THSD7B: variants seen among roughly 807,000 people sequenced by gnomAD.
THSD7B encodes the protein thrombospondin type 1 domain containing 7B, also known as thrombospondin type-1 domain-containing protein 7B.
In THSD7B, 138 loss-of-function variants were observed where a neutral mutation model predicts 213.6. The observed-to-expected ratio is 0.65, with a 90% CI of 0.56 to 0.74. The LOEUF (loss-of-function observed/expected upper bound fraction) is 0.74, where lower values mean the gene tolerates loss of function less well. THSD7B is among the 30% of genes least tolerant of loss of function. The pLI is 0.00. For synonymous variants in THSD7B, 742 were observed against 687.0 expected, an observed-to-expected ratio of 1.08 and a Z score of -1.25; for missense variants, 1,931 against 1,991.5, an observed-to-expected ratio of 0.97 and a Z score of 0.58.
At chr2:137,383,269 A>G (rs1327967757) in intron 12 of THSD7B, among the ~76,000 whole-genome samples, 1 of 152,184 alleles carries the variant, frequency 6.6e-6, no homozygotes, top group Non-Finnish European at 1.5e-5. Flanking sequence ...TAATGTATAA[A>G]GCAACATTGG....
Position 136,945,109 on chromosome 2 carries a change from G to A in THSD7B, c.139+62792G>A, listed in dbSNP as rs573784634. Among the ~76,000 whole-genome samples the A allele has an allele frequency of 2.0e-3, 299 of 152,180 alleles. 1 individual carries two copies. The highest frequency in any genetic ancestry group is 3.6e-3 in the Non-Finnish European group (246 of 68,002). On this transcript the variant is annotated intron_variant, in intron 2 of 27. Coordinates refer to ENST00000409968, the MANE Select transcript of THSD7B (RefSeq NM_001316349.2). ...GTGGTGACAAAATCTCTCAGCATTT[G>A]CTTGTCTGTAAAGGATTTTATTTCT... is the stretch of plus-strand genomic sequence containing the variant.
chr2:136,771,728 T>C (rs1224489441), intron 1 of THSD7B, among the ~76,000 whole-genome samples: 2 of 152,156 alleles, frequency 1.3e-5, no homozygotes, highest in South Asian at 2.1e-4. Context: ...GAATCTATTT[T>C]CTTATTAGCA....
chr2:137,370,891 G>A (rs909613152), intron 12 of THSD7B, among the ~76,000 whole-genome samples: 3 of 151,698 alleles, frequency 2.0e-5, no homozygotes, highest in African/African-American at 7.3e-5. Context: ...TATTAGTATA[G>A]CTATATACAC....
At chr2:136,803,118 T>C (rs1314612816) in intron 1 of THSD7B, among the ~76,000 whole-genome samples, 1 of 152,046 alleles carries the variant, frequency 6.6e-6, no homozygotes, top group Non-Finnish European at 1.5e-5. Context: ...AGATATATTA[T>C]GGATCAAGTC....
At chr2:136,876,680 A>ATGTG (rs1683530319) in intron 1 of THSD7B, among the ~76,000 whole-genome samples, 1 of 152,306 alleles carries the variant, frequency 6.6e-6, no homozygotes, top group South Asian at 2.1e-4. Flanking sequence ...AATCTAGTGT[A>ATGTG]TGTGTGTGTA....
intron 7 of THSD7B, among the ~76,000 whole-genome samples, chr2:137,195,833 G>T (rs930253541): frequency 6.6e-6 from 1 of 152,070 alleles, no homozygotes; most frequent in African/African-American, 2.4e-5. Context: ...AAATTTTGAC[G>T]AGGAACAGGA....
At chr2:137,453,174 T>TA (rs1180542085) in intron 15 of THSD7B, among the ~76,000 whole-genome samples, 2 of 151,848 alleles carry the variant, frequency 1.3e-5, no homozygotes, top group African/African-American at 4.8e-5. Context: ...TGTTATATAT[T>TA]AAAAAAAAGT....
At chr2:137,229,301 G>A (rs1222493217) in intron 7 of THSD7B, among the ~76,000 whole-genome samples, 1 of 152,030 alleles carries the variant, frequency 6.6e-6, no homozygotes, top group Non-Finnish European at 1.5e-5. Flanking sequence ...TGTAGGTTGG[G>A]CCTTTTGTTT....
intron 12 of THSD7B, among the ~76,000 whole-genome samples, chr2:137,315,374 A>T (rs1005091998): frequency 6.6e-6 from 1 of 152,114 alleles, no homozygotes; most frequent in Admixed American, 6.5e-5. Flanking sequence ...GCTCATGCAC[A>T]GTGCGCGCAC....
intron 7 of THSD7B, among the ~76,000 whole-genome samples, chr2:137,225,143 T>C (rs1444180850): frequency 6.6e-6 from 1 of 152,252 alleles, no homozygotes; most frequent in African/African-American, 2.4e-5. Context: ...ATTTAGCTCA[T>C]CATACATTGT....
At chr2:136,859,435 C>T (rs543250169) in intron 1 of THSD7B, among the ~76,000 whole-genome samples, 1 of 152,276 alleles carries the variant, frequency 6.6e-6, no homozygotes, top group African/African-American at 2.4e-5. Flanking sequence ...AGAAGATAGA[C>T]TCAAAGTTGA....
chr2:136,841,135 A>G (rs1331329154), intron 1 of THSD7B, among the ~76,000 whole-genome samples: 1 of 152,170 alleles, frequency 6.6e-6, no homozygotes, highest in Non-Finnish European at 1.5e-5. Flanking sequence ...AGTAACTGGA[A>G]CTCCAAGGGG....
chr2:136,906,034 A>G (rs1168230549), intron 2 of THSD7B, among the ~76,000 whole-genome samples: 1 of 152,258 alleles, frequency 6.6e-6, no homozygotes, highest in Non-Finnish European at 1.5e-5. Context: ...CAGTCTCAAC[A>G]TTCCAATGCA....
chr2:137,116,858 G>A (rs977244111), intron 5 of THSD7B, among the ~76,000 whole-genome samples: 13 of 152,100 alleles, frequency 8.5e-5, no homozygotes, highest in African/African-American at 2.7e-4. Context: ...TATCAAGCCC[G>A]AGTACAATCT....
chr2:137,665,723 TG>T (rs1246119080), intron 26 of THSD7B, among the ~76,000 whole-genome samples: 3 of 152,018 alleles, frequency 2.0e-5, no homozygotes, highest in South Asian at 4.1e-4. Flanking sequence ...TTATAGCAAA[TG>T]AATGAAAACA....
intron 2 of THSD7B, among the ~76,000 whole-genome samples, chr2:136,941,376 T>C (rs768343926): frequency 6.6e-6 from 1 of 152,202 alleles, no homozygotes; most frequent in Non-Finnish European, 1.5e-5. Context: ...TATCCAGTAA[T>C]GGAATGGCTG....
intron 4 of THSD7B, among the ~76,000 whole-genome samples, chr2:137,105,630 T>A (rs1688232546): frequency 6.6e-6 from 1 of 152,188 alleles, no homozygotes; most frequent in African/African-American, 2.4e-5. Flanking sequence ...TGTTTGCAGA[T>A]GACATGATTG....
intron 4 of THSD7B, 106 bp downstream of exon 4, chr2:137,095,227 A>C: frequency 1.4e-6 from 2 of 1,436,524 alleles, no homozygotes; most frequent in Admixed American, 4.4e-5. Flanking sequence ...TTGAGTCTTC[A>C]CTCAGTATAC....
chr2:136,993,578 T>C (rs563516956), intron 2 of THSD7B, among the ~76,000 whole-genome samples: 14 of 152,370 alleles, frequency 9.2e-5, no homozygotes, highest in Admixed American at 2.6e-4. Context: ...AGTACATCAG[T>C]ACATAGTACA....
Sources: allele counts gnomAD v4.1 joint callset (sites outside exome capture counted in the v4.1 genomes callset), GRCh38; gene constraint gnomAD v4.1.1; transcripts MANE v1.5; gene names NCBI Gene and HGNC (gene_info 2026-07-23, HGNC 2026-07-21).